Variants in KCNAB1 observed in about 807,000 individuals in gnomAD.
KCNAB1 encodes voltage-gated potassium channel subunit beta-1.
KCNAB1 carries 35 observed loss-of-function variants against 64.6 expected under a neutral mutation model. The observed-to-expected ratio is 0.54, with a 90% confidence interval of 0.41 to 0.72. The LOEUF is 0.72. Ranked by LOEUF, KCNAB1 falls within the 30% of genes least tolerant of loss-of-function variation. The pLI, the probability that KCNAB1 is intolerant of heterozygous loss-of-function variation, is 0.00. For missense variants in KCNAB1, 401 were observed against 512.9 expected (o/e 0.78, Z 2.11); for synonymous variants, 177 against 183.8 (o/e 0.96, Z 0.30).
intron 1 of KCNAB1, chr3:156,176,366 C>A (rs1712369017): frequency 1.3e-6 from 1 of 797,088 alleles, no homozygotes; most frequent in Non-Finnish European, 2.3e-6. Flanking sequence ...GTTTAGATGG[C>A]TGCTTTCTTC....
chr3:156,453,734 C>T (rs916539145), intron 3 of KCNAB1, among the ~76,000 whole-genome samples: 1 of 152,148 alleles, frequency 6.6e-6, no homozygotes, highest in Non-Finnish European at 1.5e-5. Flanking sequence ...CTGATCCTTC[C>T]GTGTCTACCT....
intron 6 of KCNAB1, among the ~76,000 whole-genome samples, chr3:156,464,669 A>C (rs1174863922): frequency 6.6e-6 from 1 of 152,048 alleles, no homozygotes; most frequent in Non-Finnish European, 1.5e-5. Context: ...CACATACTCT[A>C]TTTTGTTGTT....
chr3:156,380,143 T>C (rs772039361), intron 1 of KCNAB1, among the ~76,000 whole-genome samples: 1 of 152,110 alleles, frequency 6.6e-6, no homozygotes, highest in Non-Finnish European at 1.5e-5. Context: ...CCCCTCCCCA[T>C]CCATCAGCTG....
chr3:156,216,146 A>C (rs1402454674), intron 1 of KCNAB1, among the ~76,000 whole-genome samples: 1 of 152,200 alleles, frequency 6.6e-6, no homozygotes, highest in Non-Finnish European at 1.5e-5. Context: ...TAACTTAGGC[A>C]ATACGTTAAT....
At chr3:156,176,235 G>A (rs1043683140) in intron 1 of KCNAB1, 10 of 789,416 alleles carry the variant, frequency 1.3e-5, no homozygotes, top group Non-Finnish European at 2.1e-5. Flanking sequence ...CTGTCATGGT[G>A]TAGGTTAGTT....
intron 1 of KCNAB1, among the ~76,000 whole-genome samples, chr3:156,215,272 G>T (rs1227175661): frequency 6.6e-6 from 1 of 152,160 alleles, no homozygotes; most frequent in Non-Finnish European, 1.5e-5. Context: ...CTTGAGCAAG[G>T]CATAAGTCAT....
At chr3:156,195,061 T>C (rs544896384) in intron 1 of KCNAB1, among the ~76,000 whole-genome samples, 24 of 152,312 alleles carry the variant, frequency 1.6e-4, no homozygotes, top group African/African-American at 4.8e-4. Context: ...CTGTGTTAGT[T>C]TGCTGAGAAT....
chr3:156,430,958 A>G (rs559754690), intron 2 of KCNAB1, among the ~76,000 whole-genome samples: 1 of 152,318 alleles, frequency 6.6e-6, no homozygotes, highest in South Asian at 2.1e-4. Context: ...CCTGACATCC[A>G]TCTCCAGAGT....
intron 1 of KCNAB1, among the ~76,000 whole-genome samples, chr3:156,359,404 C>T (rs918076918): frequency 9.2e-5 from 14 of 152,126 alleles, no homozygotes; most frequent in East Asian, 1.9e-4. Flanking sequence ...ACAATCTACA[C>T]CTTGTCCATC....
Position 156,537,953 on chromosome 3 carries a change from CATATT to C in KCNAB1, c.*1211_*1215del, listed in dbSNP as rs1469569700. ...AAGAAAGAACTTCTGGTTCTATAAT[CATATT>C]ATATGCACTAAACTATATGCATGAA... On this transcript the variant is annotated 3_prime_UTR_variant, in exon 14 of 14. Coordinates refer to ENST00000490337, the MANE Select transcript of KCNAB1 (RefSeq NM_172160.3). 2.0e-5 allele frequency: 3 copies of C among 152,268 alleles called. No homozygotes were observed. In the South Asian group the frequency reaches 6.2e-4, roughly 32 times the overall value. The allele number at this position is 152,268 out of a possible 1,614,324, so 9.4% of individuals were successfully genotyped here. A position where few individuals can be genotyped will look rare whatever the true frequency, so the allele number is the denominator to read the frequency against.
chr3:156,375,313 A>C (rs1711578886), intron 1 of KCNAB1, among the ~76,000 whole-genome samples: 1 of 134,548 alleles, frequency 7.4e-6, no homozygotes, highest in African/African-American at 3.4e-5. Context: ...GCTCATCCCT[A>C]TGCAGCCCCT....
chr3:156,454,300 A>G (rs1450103907), intron 3 of KCNAB1, among the ~76,000 whole-genome samples: 1 of 152,196 alleles, frequency 6.6e-6, no homozygotes, highest in Non-Finnish European at 1.5e-5. Context: ...CAATGACCTC[A>G]GCCAACTCCA....
At chr3:156,273,591 G>A in intron 1 of KCNAB1, 1 of 456,638 alleles carries the variant, frequency 2.2e-6, no homozygotes, top group Non-Finnish European at 4.4e-6. Context: ...GCTGCTGTGG[G>A]GTGGGAGAAG....
intron 1 of KCNAB1, among the ~76,000 whole-genome samples, chr3:156,234,267 G>C (rs1004786363): frequency 5.9e-5 from 9 of 152,074 alleles, no homozygotes; most frequent in African/African-American, 1.7e-4. Flanking sequence ...AAGGAGGAGA[G>C]CATGATCAAC....
At chr3:156,514,913 G>A (rs372548231) in intron 9 of KCNAB1, among the ~76,000 whole-genome samples, 187 bp from the exon 10 acceptor site, 1 of 152,136 alleles carries the variant, frequency 6.6e-6, no homozygotes, top group African/African-American at 2.4e-5. Context: ...GAATTAATAA[G>A]GGTTTCCTAC....
At chr3:156,459,993 C>T (rs992073627) in intron 5 of KCNAB1, 122 bp downstream of exon 5, 1 of 666,058 alleles carries the variant, frequency 1.5e-6, no homozygotes, top group African/African-American at 1.9e-5. Context: ...GTTTTTAAAG[C>T]AATGATTTAT....
At chr3:156,246,231 G>T (rs916387486) in intron 1 of KCNAB1, among the ~76,000 whole-genome samples, 13 of 152,140 alleles carry the variant, frequency 8.5e-5, no homozygotes, top group African/African-American at 3.1e-4. Flanking sequence ...TGGAAAATTC[G>T]CAATATATGT....
At chr3:156,377,685 C>T (rs1448702179) in intron 1 of KCNAB1, among the ~76,000 whole-genome samples, 1 of 151,976 alleles carries the variant, frequency 6.6e-6, no homozygotes, top group Non-Finnish European at 1.5e-5. Flanking sequence ...GAAAGAGGTC[C>T]CATGCAGGAG....
chr3:156,302,695 T>C (rs930839066), intron 1 of KCNAB1, among the ~76,000 whole-genome samples: 8 of 152,234 alleles, frequency 5.3e-5, no homozygotes, highest in African/African-American at 1.9e-4. Context: ...GAATCTGCTC[T>C]GCTTCCCTCA....
Sources: allele counts gnomAD v4.1 joint callset (sites outside exome capture counted in the v4.1 genomes callset), GRCh38; gene constraint gnomAD v4.1.1; transcripts MANE v1.5; gene names NCBI Gene and HGNC (gene_info 2026-07-23, HGNC 2026-07-21).